Variants in GDPD5 observed in about 807,000 individuals in gnomAD.
GDPD5 encodes the protein glycerophosphodiester phosphodiesterase domain containing 5, also known as glycerophosphodiester phosphodiesterase 2.
GDPD5 carries 48 observed loss-of-function variants against 75.1 expected under a neutral mutation model. The ratio of observed to expected loss-of-function variants is 0.64; its 90% CI spans 0.51 to 0.81. The LOEUF (loss-of-function observed/expected upper bound fraction) is 0.81. Among genes scored for constraint, GDPD5 ranks in the 40% least tolerant of loss-of-function variants. The pLI is 0.00. For synonymous variants in GDPD5, 336 were observed against 339.0 expected (o/e 0.99, Z 0.10); for missense variants, 706 against 822.6 (o/e 0.86, Z 1.73).
intron 1 of GDPD5, among the ~76,000 whole-genome samples, chr11:75,524,499 G>A (rs1941589219): frequency 6.6e-6 from 1 of 152,210 alleles, no homozygotes; most frequent in Non-Finnish European, 1.5e-5. Flanking sequence ...GGGCCTCAGT[G>A]TCCCCATTAG....
At chr11:75,480,154 G>A (rs1565205200) in intron 2 of GDPD5, among the ~76,000 whole-genome samples, 1 of 152,116 alleles carries the variant, frequency 6.6e-6, no homozygotes, top group Non-Finnish European at 1.5e-5. Context: ...GACTAACATG[G>A]TGAAACCCCA....
Position 75,449,915 on chromosome 11 carries a change from G to A in GDPD5, c.444C>T (p.Asp148=), listed in dbSNP as rs781313874. 28 of 1,613,636 alleles carry A rather than the reference G, an allele frequency of 1.7e-5. No homozygotes were observed. The highest frequency in any genetic ancestry group is 6.7e-5 in the East Asian group (3 of 44,904). ...AMSAVAQLWE[D]EWEVLLISLQ... ...GGGAGATCAGCAGCACCTCCCACTC[G>A]TCCTCCCACAGCTGGGCCACGGCCG... Residue 148 remains aspartate (D), a synonymous_variant, in exon 7 of 17, where the codon GAC becomes GAT. Coordinates refer to ENST00000336898, the MANE Select transcript of GDPD5 (RefSeq NM_030792.8).
chr11:75,448,766 A>G, intron 9 of GDPD5: 1 of 1,221,274 alleles, frequency 8.2e-7, no homozygotes, highest in Non-Finnish European at 1.0e-6. Flanking sequence ...ACTTAGGACA[A>G]AACTGAAATC....
At chr11:75,462,302 C>T (rs997307996) in intron 4 of GDPD5, among the ~76,000 whole-genome samples, 4 of 152,188 alleles carry the variant, frequency 2.6e-5, no homozygotes, top group African/African-American at 9.7e-5. Flanking sequence ...AGCCTTTGTT[C>T]TTTGAGGCTC....
chr11:75,519,612 A>C (rs1433969640), intron 1 of GDPD5, among the ~76,000 whole-genome samples: 1 of 152,144 alleles, frequency 6.6e-6, no homozygotes, highest in Non-Finnish European at 1.5e-5. Context: ...TTTCACCCTC[A>C]CAACTCTATG....
chr11:75,504,231 A>G (rs1399685039), intron 1 of GDPD5, among the ~76,000 whole-genome samples: 1 of 152,220 alleles, frequency 6.6e-6, no homozygotes, highest in African/African-American at 2.4e-5. Flanking sequence ...TACTCACTGC[A>G]AGTCTGCTGT....
intron 9 of GDPD5, chr11:75,448,645 G>A: frequency 1.9e-6 from 2 of 1,069,292 alleles, no homozygotes; most frequent in Non-Finnish European, 2.3e-6. Context: ...GGGTTCTCCT[G>A]ATGCCTGGTG....
Position 75,488,011 on chromosome 11 carries a change from G to T in GDPD5, c.-61+2226C>A, listed in dbSNP as rs1950047278. ...CACAAAACATCAGCACCAAAGTCCT[G>T]GAGGCACTCCATCCAGCCTCCCCTT... is the stretch of plus-strand genomic sequence containing the variant. On this transcript the variant is annotated intron_variant, in intron 2 of 16. Transcript: ENST00000336898. 2.6e-5 allele frequency among the ~76,000 whole-genome samples: 4 copies of T among 152,158 alleles called. No individual in the cohort carries two copies. In the South Asian group the frequency reaches 8.3e-4, roughly 32 times the overall value.
intron 2 of GDPD5, among the ~76,000 whole-genome samples, 185 bp downstream of exon 2, chr11:75,490,052 C>T (rs932053962): frequency 3.9e-5 from 6 of 152,198 alleles, no homozygotes; most frequent in Non-Finnish European, 7.3e-5. Context: ...GAACGCTGTA[C>T]TAAGCAAGAG....
In GDPD5 at chr11:75,447,372, G is replaced by T. The variant is rs550311077; in HGVS notation, c.714+1605C>A. 2.6e-5 allele frequency among the ~76,000 whole-genome samples: 4 copies of T among 152,228 alleles called. No individual in the cohort carries two copies. The East Asian group carries it at 7.7e-4, about 29-fold the overall frequency. On this transcript the variant is annotated intron_variant, in intron 9 of 16. Transcript: ENST00000336898. ...TCATTATCCTTAATATTGGCTGGGT[G>T]TAATAACAGCATTGTTGCTATGCAT...
intron 4 of GDPD5, among the ~76,000 whole-genome samples, chr11:75,458,194 C>T (rs1179228482): frequency 6.6e-6 from 1 of 152,236 alleles, no homozygotes; most frequent in Non-Finnish European, 1.5e-5. Context: ...CCTCTCGTCT[C>T]TGCTTTTCAC....
intron 2 of GDPD5, among the ~76,000 whole-genome samples, chr11:75,483,203 C>T (rs1949955042): frequency 6.6e-6 from 1 of 152,156 alleles, no homozygotes; most frequent in Non-Finnish European, 1.5e-5. Flanking sequence ...GGCTCTGGGA[C>T]AAGAGAACGC....
Position 75,477,746 on chromosome 11 carries a change from A to G in GDPD5, c.-11T>C. ...CTGGTGTCTCACCATACTCGTGCCC[A>G]CGGCCCTGGCGCCTGGCCCTCAGGC... On this transcript the variant is annotated 5_prime_UTR_variant, in exon 3 of 17. Coordinates refer to ENST00000336898, the MANE Select transcript of GDPD5 (RefSeq NM_030792.8). 1 of 1,546,978 alleles carries G rather than the reference A, an allele frequency of 6.5e-7. No individual in the cohort carries two copies. The highest frequency in any genetic ancestry group is 8.8e-7 in the Non-Finnish European group (1 of 1,135,060).
At chr11:75,506,862 A>G (rs1950409570) in intron 1 of GDPD5, 1 of 152,166 alleles carries the variant, frequency 6.6e-6, no homozygotes, top group South Asian at 2.1e-4. Flanking sequence ...CAAGGTTCCA[A>G]GATGCCAACA....
intron 1 of GDPD5, among the ~76,000 whole-genome samples, chr11:75,514,949 G>A (rs1950605081): frequency 6.6e-6 from 1 of 152,218 alleles, no homozygotes; most frequent in Non-Finnish European, 1.5e-5. Context: ...TAATTTTATA[G>A]GTGAGCAACT....
intron 3 of GDPD5, among the ~76,000 whole-genome samples, chr11:75,463,125 C>T (rs73494872): frequency 9.2e-5 from 14 of 152,298 alleles, no homozygotes; most frequent in South Asian, 2.1e-4. Context: ...GGCCTCCCCC[C>T]CTGGGGCTGT....
At chr11:75,436,473 G>GC (rs373494992) in intron 16 of GDPD5, among the ~76,000 whole-genome samples, 2 of 96,324 alleles carry the variant, frequency 2.1e-5, no homozygotes, top group Admixed American at 2.3e-4. Context: ...ACGTCCTCCC[G>GC]CCCCCCGCCC....
chr11:75,441,648 G>T lies in GDPD5; in HGVS notation c.1323C>A (p.Leu441=). The T allele has an allele frequency of 6.4e-7, 1 of 1,574,270 alleles. No homozygotes were observed. Among genetic ancestry groups the T allele is most frequent in the East Asian group, 2.3e-5 (1 of 42,822 alleles). The change falls in exon 13 of 17, where the codon CTC becomes CTA. Residue 441 remains leucine, a splice_region_variant and synonymous_variant. Coordinates refer to ENST00000336898, the MANE Select transcript of GDPD5 (RefSeq NM_030792.8). ...GGAGCCCAGGGCAGGGCAGGCACCTGAGCTCCTGGCGGGACACCTGAGTGT... is the reference window on the plus strand; with the variant it reads ...GGAGCCCAGGGCAGGGCAGGCACCTTAGCTCCTGGCGGGACACCTGAGTGT... ...LRYTQVSRQE[L]RDYASWNLSV...
At chr11:75,450,880 GGTCA>G (rs1457629125) in intron 6 of GDPD5, 1 of 152,136 alleles carries the variant, frequency 6.6e-6, no homozygotes, top group African/African-American at 2.4e-5. Flanking sequence ...TCTCTGGAAG[GGTCA>G]GTCAAAGCCG....
Sources: allele counts gnomAD v4.1 joint callset (sites outside exome capture counted in the v4.1 genomes callset), GRCh38; gene constraint gnomAD v4.1.1; transcripts MANE v1.5; gene names NCBI Gene and HGNC (gene_info 2026-07-23, HGNC 2026-07-21).